The following ABR variants were observed in gnomAD, a reference collection of about 807,000 sequenced individuals.
ABR encodes ABR activator of RhoGEF and GTPase, also known as active breakpoint cluster region-related protein.
ABR carries 35 observed loss-of-function variants against 107.2 expected under a neutral mutation model. That is an observed-to-expected ratio of 0.33 (90% CI 0.25 to 0.43). ABR has a LOEUF of 0.43. ABR is among the 20% of genes least tolerant of loss of function. The probability of loss-of-function intolerance (pLI) is 1.00; values close to 1 mark genes in which losing one functional copy is unlikely to be tolerated. For synonymous variants in ABR, 498 were observed against 462.0 expected (o/e 1.08, Z -1.00); for missense variants, 815 against 1,115.2 (o/e 0.73, Z 3.83).
intron 1 of ABR, chr17:1,153,877 C>T (rs575254496): frequency 4.9e-6 from 1 of 202,658 alleles, no homozygotes; most frequent in East Asian, 1.8e-4. Flanking sequence ...GAGAAAACCT[C>T]GCCCGGCAAC....
intron 16 of ABR, among the ~76,000 whole-genome samples, chr17:1,020,816 G>A (rs778911098): frequency 3.9e-5 from 6 of 152,120 alleles, no homozygotes; most frequent in African/African-American, 9.7e-5. Context: ...CCTTCCTCTC[G>A]GCTCACCTCT....
intron 6 of ABR, among the ~76,000 whole-genome samples, chr17:1,075,440 A>T (rs1218577526): frequency 6.6e-6 from 1 of 152,226 alleles, no homozygotes; most frequent in Non-Finnish European, 1.5e-5. Context: ...CTGAGATATA[A>T]ATACCCCGTG....
chr17:1,211,716 C>G (rs1175078979), intron 1 of ABR, among the ~76,000 whole-genome samples: 1 of 152,192 alleles, frequency 6.6e-6, no homozygotes, highest in Non-Finnish European at 1.5e-5. Flanking sequence ...GACCCCAGAA[C>G]CTGCATCCTT....
intron 16 of ABR, among the ~76,000 whole-genome samples, chr17:1,020,219 G>A (rs1331547298): frequency 1.3e-5 from 2 of 152,098 alleles, no homozygotes; most frequent in Non-Finnish European, 2.9e-5. Flanking sequence ...AGTAGCTGGG[G>A]CTACAGGCAC....
At chr17:1,215,559 G>A (rs2042984708) in intron 1 of ABR, among the ~76,000 whole-genome samples, 1 of 152,156 alleles carries the variant, frequency 6.6e-6, no homozygotes, top group Admixed American at 6.5e-5. Flanking sequence ...TGCCCAGGCT[G>A]GAGTGCAGTG....
chr17:1,100,855 G>A (rs2037816988), intron 2 of ABR, 120 bp from the exon 3 acceptor site: 5 of 948,968 alleles, frequency 5.3e-6, no homozygotes, highest in South Asian at 1.4e-5. Flanking sequence ...ACGAAGTCTC[G>A]CTCTGTCACC....
intron 1 of ABR, among the ~76,000 whole-genome samples, chr17:1,199,786 T>C (rs1419530090): frequency 6.6e-6 from 1 of 152,158 alleles, no homozygotes; most frequent in African/African-American, 2.4e-5. Context: ...TTCAGTTTTT[T>C]TTTTCTGTCA....
chr17:1,064,104 T>C (rs1369267309), intron 10 of ABR, among the ~76,000 whole-genome samples: 1 of 127,468 alleles, frequency 7.8e-6, no homozygotes, highest in Non-Finnish European at 1.6e-5. Context: ...CATGTTCCTC[T>C]AGACACTGTT....
At position 1,179,535 on chromosome 17, in the gene ABR, G is replaced by C; in HGVS notation, c.61+132C>G. On this transcript the variant is annotated intron_variant, in intron 1 of 22. Transcript: ENST00000302538. This position sits in a 1 kb window ranked among gnomAD's most constrained non-coding sequence, Gnocchi z 4.9. ...GGACCCCGATCTCGCCCCCGCCCGC[G>C]CTCCCCGGACCAGCCCGGTGCCTGG... 1 of 940,922 alleles carries C rather than the reference G, an allele frequency of 1.1e-6. No homozygotes were observed. The allele number at this position is 940,922 out of a possible 1,614,324, so 58.3% of individuals were successfully genotyped here.
chr17:1,140,994 G>A (rs894791971), intron 1 of ABR, among the ~76,000 whole-genome samples: 2 of 152,034 alleles, frequency 1.3e-5, no homozygotes, highest in Non-Finnish European at 2.9e-5. Context: ...TGAGGATAAC[G>A]ATACCATGTC....
At chr17:1,158,413 TA>T (rs1234169410) in intron 1 of ABR, among the ~76,000 whole-genome samples, 3 of 151,812 alleles carry the variant, frequency 2.0e-5, no homozygotes, top group African/African-American at 7.2e-5. Context: ...TAGTCTTTAG[TA>T]AACCAAACCC....
chr17:1,079,256 G>C, intron 6 of ABR, 74 bp downstream of exon 6: 1 of 1,558,752 alleles, frequency 6.4e-7, no homozygotes, highest in Non-Finnish European at 8.7e-7. Context: ...GAAGGGCGCC[G>C]CGTTCACGCA....
At chr17:1,066,117 G>T (rs568504201) in intron 10 of ABR, among the ~76,000 whole-genome samples, 37 of 152,066 alleles carry the variant, frequency 2.4e-4, no homozygotes, top group Non-Finnish European at 5.0e-4. Context: ...GACCTCAGGC[G>T]ATCCACCATC....
chr17:1,020,410 C>T (rs1278854953), intron 16 of ABR, among the ~76,000 whole-genome samples: 1 of 152,198 alleles, frequency 6.6e-6, no homozygotes, highest in East Asian at 1.9e-4. Flanking sequence ...CTGGGCACTT[C>T]GCCTGGTCAA....
rs558689337 is a variant in ABR at position 1,178,872 on chromosome 17, G to A, written c.61+795C>T. ...AGGTGCGGTGGTGGGGGCGGGGGGC[G>A]GCTCTCGGTTCGCCCCAAGCCCCCC... On this transcript the variant is annotated intron_variant, in intron 1 of 22. Coordinates refer to ENST00000302538, the MANE Select transcript of ABR (RefSeq NM_021962.5). Among the ~76,000 whole-genome samples the A allele has an allele frequency of 6.7e-3, 1,024 of 151,948 alleles. 8 individuals carry two copies. Among genetic ancestry groups the A allele is most frequent in the Middle Eastern group, 0.027 (8 of 292 alleles).
upstream of ABR, among the ~76,000 whole-genome samples, chr17:1,190,042 C>G (rs772369369): frequency 1.3e-5 from 2 of 152,222 alleles, no homozygotes; most frequent in Non-Finnish European, 2.9e-5. Flanking sequence ...TCGAGAATGA[C>G]CACCCTCTCT....
chr17:1,199,604 A>G lies in ABR; in HGVS notation c.838+29189T>C, dbSNP rs1381343434. 2.6e-5 allele frequency among the ~76,000 whole-genome samples: 4 copies of G among 151,200 alleles called. No individual in the cohort carries two copies. In the East Asian group the frequency reaches 7.7e-4, roughly 29 times the overall value. ...GCTAGGATTACAGACGCCCGCCACC[A>G]CGCCCGGCTAATTTTTGCATTTTCA... On this transcript the variant is annotated intron_variant, in intron 1 of 22. Coordinates refer to the ABR transcript ENST00000574139.
In ABR at chr17:1,032,134, C is replaced by T. The variant is rs891103395; in HGVS notation, c.1791+17916G>A. ...CCTGCTGGGTCCCCGTGTTGCCCAC[C>T]GGGCTGCTCCAGGGGCCAAGCGGAG... On this transcript the variant is annotated intron_variant, in intron 16 of 22. Coordinates refer to ENST00000302538, the MANE Select transcript of ABR (RefSeq NM_021962.5). 5.3e-5 allele frequency among the ~76,000 whole-genome samples: 8 copies of T among 152,128 alleles called. No homozygotes were observed. The South Asian group carries it at 6.2e-4, about 12-fold the overall frequency.
chr17:1,227,939 G>A (rs1234926477), intron 1 of ABR, among the ~76,000 whole-genome samples: 1 of 152,188 alleles, frequency 6.6e-6, no homozygotes, highest in African/African-American at 2.4e-5. Flanking sequence ...CTACCAGAAG[G>A]GGGTTCAAAG....
Sources: gnomAD v4.1 joint callset for allele counts (sites outside exome capture counted in the v4.1 genomes callset) on GRCh38, gnomAD v4.1.1 for gene constraint, Gnocchi (gnomAD v3.1) non-coding constraint, MANE v1.5 for transcripts, NCBI Gene and HGNC (gene_info 2026-07-23, HGNC 2026-07-21) for gene names.